HK1: variants seen among roughly 807,000 people sequenced by gnomAD.
HK1 encodes hexokinase-1.
In HK1, 28 loss-of-function variants were observed where a neutral mutation model predicts 91.6. The observed-to-expected ratio is 0.31, with a 90% CI of 0.23 to 0.42. The LOEUF is 0.42. Ranked by LOEUF, HK1 falls within the 10% of genes least tolerant of loss-of-function variation. HK1 has a pLI of 1.00. For synonymous variants in HK1, 430 were observed against 468.1 expected (o/e 0.92, Z 1.05); for missense variants, 770 against 1,219.8 (o/e 0.63, Z 5.49).
intron 14 of HK1, among the ~76,000 whole-genome samples, chr10:69,390,820 A>T (rs1839864163): frequency 1.3e-5 from 2 of 152,182 alleles, no homozygotes; most frequent in African/African-American, 4.8e-5. Flanking sequence ...TCTGCTTCTT[A>T]GGGTCCCCAG....
At position 69,288,470 on chromosome 10, in the gene HK1, G is replaced by C. The variant is rs115796332; in HGVS notation, c.-214-201G>C. 2.6e-3 allele frequency among the ~76,000 whole-genome samples: 391 copies of C among 152,250 alleles called. 1 individual carries two copies. Among genetic ancestry groups the C allele is most frequent in the African/African-American group, 9.0e-3 (372 of 41,538 alleles). ...ATGGCGCCACTGCATTCTAGTCTGG[G>C]CAACAGAGCAATACTCTGCCTCAAA... On this transcript the variant is annotated intron_variant, in intron 2 of 21. Coordinates refer to the HK1 transcript ENST00000360289.
chr10:69,313,260 G>C (rs369156517), upstream of HK1, among the ~76,000 whole-genome samples: 79 of 152,300 alleles, frequency 5.2e-4, 1 homozygote, highest in South Asian at 0.016. Context: ...CAAGCAGTGG[G>C]CTGGGTGGGG....
At chr10:69,287,345 AG>A (rs60582553) in intron 2 of HK1, among the ~76,000 whole-genome samples, 1 of 151,944 alleles carries the variant, frequency 6.6e-6, no homozygotes, top group Non-Finnish European at 1.5e-5. Context: ...CAAGAACAGC[AG>A]GGGGGGAACC....
upstream of HK1, among the ~76,000 whole-genome samples, chr10:69,312,093 G>A (rs1253590812): frequency 6.6e-6 from 1 of 152,214 alleles, no homozygotes; most frequent in Admixed American, 6.5e-5. Context: ...CAGGGTGGAA[G>A]GAAAACTTCC....
At chr10:69,344,059 T>A (rs1848428083) in intron 2 of HK1, 70 bp downstream of exon 2, 1 of 1,490,182 alleles carries the variant, frequency 6.7e-7, no homozygotes, top group African/African-American at 1.4e-5. Context: ...CTAACTTCAT[T>A]TGTTCATACA....
chr10:69,339,354 G>A (rs1848180912), intron 1 of HK1, among the ~76,000 whole-genome samples: 1 of 152,236 alleles, frequency 6.6e-6, no homozygotes, highest in East Asian at 1.9e-4. Context: ...CCGAGGACCA[G>A]TGGAAAGAAA....
At chr10:69,281,603 C>T (rs1844753232) in intron 1 of HK1, among the ~76,000 whole-genome samples, 1 of 152,216 alleles carries the variant, frequency 6.6e-6, no homozygotes, top group Admixed American at 6.5e-5. Flanking sequence ...TTCTTGATAG[C>T]TATCATGATT....
intron 5 of HK1, among the ~76,000 whole-genome samples, chr10:69,303,489 G>T (rs1845974078): frequency 6.6e-6 from 1 of 152,006 alleles, no homozygotes; most frequent in Admixed American, 6.6e-5. Flanking sequence ...AGTTTCCCCA[G>T]GACTATTTCT....
intron 17 of HK1, 126 bp from the exon 18 acceptor site, chr10:69,400,865 A>G (rs1474732579): frequency 9.9e-7 from 1 of 1,013,450 alleles, no homozygotes; most frequent in Non-Finnish European, 1.6e-6. Context: ...TAAACCCATC[A>G]CAAAGTCGAA....
chr10:69,337,845 G>A (rs917401226), intron 1 of HK1, among the ~76,000 whole-genome samples: 1 of 152,210 alleles, frequency 6.6e-6, no homozygotes, highest in African/African-American at 2.4e-5. Context: ...CACGGGGTGG[G>A]GTGAAAATGG....
chr10:69,399,451 G>T (rs566038899), intron 17 of HK1, among the ~76,000 whole-genome samples: 1 of 152,290 alleles, frequency 6.6e-6, no homozygotes, highest in African/African-American at 2.4e-5. Context: ...GGTGGAGGTT[G>T]CAGTGAGCCC....
chr10:69,276,865 G>A (rs1216779763), intron 1 of HK1, among the ~76,000 whole-genome samples: 1 of 151,020 alleles, frequency 6.6e-6, no homozygotes, highest in East Asian at 1.9e-4. Flanking sequence ...TAGGATGGAA[G>A]CGAAGGATTG....
At chr10:69,277,770 C>T (rs1159705628) in intron 1 of HK1, among the ~76,000 whole-genome samples, 1 of 152,056 alleles carries the variant, frequency 6.6e-6, no homozygotes, top group African/African-American at 2.4e-5. Flanking sequence ...ACAGGGCTCA[C>T]GCCTGTAATC....
At chr10:69,332,426 TG>T (rs1847783841) in intron 1 of HK1, among the ~76,000 whole-genome samples, 1 of 150,414 alleles carries the variant, frequency 6.6e-6, no homozygotes, top group African/African-American at 2.4e-5. Flanking sequence ...TCATCCAGGC[TG>T]GAGTGCACTG....
intron 1 of HK1, among the ~76,000 whole-genome samples, chr10:69,276,364 A>G (rs1171729141): frequency 1.3e-5 from 2 of 151,502 alleles, no homozygotes; most frequent in African/African-American, 4.8e-5. Flanking sequence ...AATTTATTAG[A>G]ATATTAACAT....
At chr10:69,276,465 C>T (rs1040682555) in intron 1 of HK1, among the ~76,000 whole-genome samples, 3 of 151,620 alleles carry the variant, frequency 2.0e-5, no homozygotes, top group African/African-American at 7.3e-5. Context: ...TTGAGACCAG[C>T]CTGGTTAACG....
At chr10:69,336,480 C>T (rs1053142907) in intron 1 of HK1, among the ~76,000 whole-genome samples, 4 of 151,534 alleles carry the variant, frequency 2.6e-5, no homozygotes, top group Non-Finnish European at 5.9e-5. Flanking sequence ...CACGAGCCAC[C>T]GCGCCTGGCC....
chr10:69,278,272 T>C (rs1844563276), intron 1 of HK1, among the ~76,000 whole-genome samples: 1 of 152,268 alleles, frequency 6.6e-6, no homozygotes, highest in Non-Finnish European at 1.5e-5. Flanking sequence ...GCTTACACTA[T>C]GGCTGCCTGG....
Position 69,380,118 on chromosome 10 carries a change from T to A in HK1, c.1265+23T>A. On this transcript the variant is annotated intron_variant, in intron 9 of 17. Transcript: ENST00000359426. The surrounding 1 kb of genome is among the most constrained non-coding windows in gnomAD (Gnocchi z 4.0). ...ACAGTGAGTCTGCCCTTTGCTATCA[T>A]TGGCACTCTGTACCCATTGTGGGTA... is the stretch of plus-strand genomic sequence containing the variant. The A allele has an allele frequency of 1.9e-6, 3 of 1,577,938 alleles. No homozygotes were observed. Among genetic ancestry groups the A allele is most frequent in the African/African-American group, 1.3e-5 (1 of 74,362 alleles).
Sources: gnomAD v4.1 joint callset for allele counts (sites outside exome capture counted in the v4.1 genomes callset) on GRCh38, gnomAD v4.1.1 for gene constraint, Gnocchi (gnomAD v3.1) non-coding constraint, MANE v1.5 for transcripts, NCBI Gene and HGNC (gene_info 2026-07-23, HGNC 2026-07-21) for gene names.